Variants in DDX60 observed in about 807,000 individuals in gnomAD.
DDX60 encodes the protein DExD/H-box helicase 60.
DDX60 carries 165 observed loss-of-function variants against 212.8 expected under a neutral mutation model. That is an observed-to-expected ratio of 0.78 (90% CI 0.68 to 0.88). DDX60 has a LOEUF of 0.88. Among genes scored for constraint, DDX60 ranks in the 40% least tolerant of loss-of-function variants. The probability of loss-of-function intolerance (pLI) is 0.00; values close to 1 mark genes in which losing one functional copy is unlikely to be tolerated. For synonymous variants in DDX60, 703 were observed against 685.3 expected, an observed-to-expected ratio of 1.03 and a Z score of -0.40; for missense variants, 1,905 against 2,003.9, an observed-to-expected ratio of 0.95 and a Z score of 0.94.
chr4:168,254,827 G>T (rs1205084243), intron 26 of DDX60, among the ~76,000 whole-genome samples: 2 of 152,186 alleles, frequency 1.3e-5, no homozygotes, highest in African/African-American at 4.8e-5. Context: ...GGAAGAGGTA[G>T]AAAAGTAAGT....
At chr4:168,248,442 AT>A (rs1257012035) in intron 28 of DDX60, 150 bp from the exon 29 acceptor site, 2 of 546,142 alleles carry the variant, frequency 3.7e-6, no homozygotes, top group Non-Finnish European at 6.4e-6. Flanking sequence ...TACTCTTGCT[AT>A]TTCACAAACA....
At position 168,311,274 on chromosome 4, in the gene DDX60, G is replaced by C; in HGVS notation, c.-15C>G. On this transcript the variant is annotated 5_prime_UTR_variant, in exon 2 of 38. Coordinates refer to ENST00000393743, the MANE Select transcript of DDX60 (RefSeq NM_017631.6). ...AAATTACCCATTCTTGCTGCTGCCT[G>C]TGCCTCCAACCTGAACTGGCAAGTA... 1 of 1,612,490 alleles carries C rather than the reference G, an allele frequency of 6.2e-7. No homozygotes were observed. Among genetic ancestry groups the C allele is most frequent in the Non-Finnish European group, 8.5e-7 (1 of 1,179,336 alleles).
intron 6 of DDX60, among the ~76,000 whole-genome samples, chr4:168,297,072 G>A (rs1418359291): frequency 5.9e-5 from 9 of 151,422 alleles, no homozygotes; most frequent in East Asian, 2.0e-4. Context: ...CACCATGCCC[G>A]GCTAATTCTT....
rs746211659 is a variant in DDX60, at chr4:168,306,655, A to G, written c.330T>C (p.His110=). 13 of 1,613,994 alleles carry G rather than the reference A, an allele frequency of 8.1e-6. No individual in the cohort carries two copies. The Admixed American group carries it at 1.3e-4, about 17-fold the overall frequency. ...LLSLRTALIL[H]LQKNTTIDVR... is the part of the protein sequence containing the mutation. ...CATCAATGGTGGTATTCTTCTGAAG[A>G]TGAAGAATTAAAGCAGTTCTCAAAG... The change falls in exon 5 of 38, where the codon CAT becomes CAC. Residue 110 remains histidine, a synonymous_variant. Transcript: ENST00000393743.
chr4:168,255,101 C>G (rs1267482680), intron 26 of DDX60, among the ~76,000 whole-genome samples: 2 of 152,110 alleles, frequency 1.3e-5, no homozygotes, highest in African/African-American at 4.8e-5. Flanking sequence ...TGTGATCATC[C>G]AGGCAAGATA....
chr4:168,271,310 G>A (rs776312230), intron 19 of DDX60, among the ~76,000 whole-genome samples: 2 of 152,110 alleles, frequency 1.3e-5, no homozygotes, highest in South Asian at 2.1e-4. Flanking sequence ...TAGACACTTC[G>A]TCAAAAGGAC....
intron 37 of DDX60, among the ~76,000 whole-genome samples, chr4:168,217,372 G>A (rs1428769861): frequency 6.6e-6 from 1 of 152,068 alleles, no homozygotes; most frequent in East Asian, 1.9e-4. Flanking sequence ...GAGTCATTTT[G>A]TGTTATTTAT....
upstream of DDX60, among the ~76,000 whole-genome samples, chr4:168,322,986 G>A (rs941134274): frequency 6.6e-6 from 1 of 152,208 alleles, no homozygotes. Flanking sequence ...GCAACTGGTA[G>A]GGCTGATAGA....
chr4:168,248,793 C>T (rs2149503418), intron 28 of DDX60, among the ~76,000 whole-genome samples: 1 of 149,498 alleles, frequency 6.7e-6, no homozygotes, highest in Non-Finnish European at 1.5e-5. Flanking sequence ...GAGTTTCGCT[C>T]TTGTCGCCCA....
intron 18 of DDX60, 56 bp from the exon 19 acceptor site, chr4:168,272,194 A>T: frequency 7.3e-7 from 1 of 1,368,156 alleles, no homozygotes; most frequent in Non-Finnish European, 1.0e-6. Context: ...ATGTGTTGAC[A>T]TATTTACAGG....
intron 22 of DDX60, among the ~76,000 whole-genome samples, chr4:168,266,000 T>A (rs868559333): frequency 6.6e-6 from 1 of 152,150 alleles, no homozygotes; most frequent in Admixed American, 6.6e-5. Context: ...ATTTTGTCCA[T>A]ATTTAGGTTT....
chr4:168,233,423 G>A (rs1001747320), intron 33 of DDX60, among the ~76,000 whole-genome samples: 4 of 152,052 alleles, frequency 2.6e-5, no homozygotes, highest in Non-Finnish European at 4.4e-5. Flanking sequence ...GTTTACAGCA[G>A]CACAATTTGC....
rs766921690 is a variant in DDX60, at chr4:168,220,665, T to A, written c.5029A>T (p.Lys1677Ter). The A allele has an allele frequency of 6.8e-7, 1 of 1,462,728 alleles. No individual in the cohort carries two copies. The highest frequency in any genetic ancestry group is 2.3e-5 in the Admixed American group (1 of 43,732). The allele number at this position is 1,462,728 out of a possible 1,614,324, so 90.6% of individuals were successfully genotyped here. A position where few individuals can be genotyped will look rare whatever the true frequency, so the allele number is the denominator to read the frequency against. ...YLLKDFALTI[K>*]SISVSLRELC... is the part of the protein sequence containing the mutation. The stretch of plus-strand genomic sequence containing the variant: ...AAATATATAACACACCTGATAGATT[T>A]AATGGTGAGTGCAAAATCCTTCAAC... The change falls in exon 37 of 38, where the codon AAA becomes TAA. Residue 1677 changes from lysine to a stop codon, truncating the protein, a stop_gained. Coordinates refer to ENST00000393743, the MANE Select transcript of DDX60 (RefSeq NM_017631.6). LOFTEE classifies it high-confidence loss of function.
intron 25 of DDX60, among the ~76,000 whole-genome samples, chr4:168,258,363 T>C (rs569526609): frequency 5.3e-5 from 8 of 152,296 alleles, no homozygotes; most frequent in South Asian, 2.1e-4. Context: ...GGGATCCAAG[T>C]TTGGGTCTGG....
At chr4:168,258,956 C>T (rs1734520411) in intron 25 of DDX60, among the ~76,000 whole-genome samples, 1 of 152,122 alleles carries the variant, frequency 6.6e-6, no homozygotes, top group African/African-American at 2.4e-5. Context: ...TAACTCTTAC[C>T]TTCCTAGTCA....
intron 8 of DDX60, among the ~76,000 whole-genome samples, chr4:168,291,020 CA>C (rs1291212531): frequency 1.3e-5 from 2 of 152,120 alleles, no homozygotes; most frequent in East Asian, 3.9e-4. Context: ...TCAATAACCC[CA>C]AATTAAAGGA....
Position 168,225,808 on chromosome 4 carries a change from C to T in DDX60, c.4534-132G>A, listed in dbSNP as rs929190024. On this transcript the variant is annotated intron_variant, in intron 33 of 37. Coordinates refer to ENST00000393743, the MANE Select transcript of DDX60 (RefSeq NM_017631.6). ...TCTATTAATATTTATTCAATAATGT[C>T]ACTGTTTCATTTTTTCACTGGTGAA... is the stretch of plus-strand genomic sequence containing the variant. 4 of 831,116 alleles carry T rather than the reference C, an allele frequency of 4.8e-6. No individual in the cohort carries two copies. In the African/African-American group the frequency reaches 7.3e-5, roughly 15 times the overall value. 51.5% of individuals were successfully genotyped at this position (831,116 alleles called of 1,614,324 possible).
chr4:168,283,843 CA>C (rs35859714), intron 12 of DDX60, among the ~76,000 whole-genome samples: 70,011 of 151,740 alleles, frequency 0.46, 17,760 homozygotes, highest in African/African-American at 0.7. Flanking sequence ...TCAGGTGCAA[CA>C]AAAAAAATGA....
At chr4:168,282,150 G>T (rs1217398554) in intron 13 of DDX60, among the ~76,000 whole-genome samples, 1 of 152,160 alleles carries the variant, frequency 6.6e-6, no homozygotes, top group African/African-American at 2.4e-5. Flanking sequence ...CACACAGTTG[G>T]GCTCAGAGAG....
Sources: allele counts gnomAD v4.1 joint callset (sites outside exome capture counted in the v4.1 genomes callset), GRCh38; gene constraint gnomAD v4.1.1; transcripts MANE v1.5; gene names NCBI Gene and HGNC (gene_info 2026-07-23, HGNC 2026-07-21).